Variants in ARHGAP25 observed in about 807,000 individuals in gnomAD.
ARHGAP25 encodes rho GTPase-activating protein 25.
A neutral mutation model predicts 71.0 loss-of-function variants in ARHGAP25; 34 were observed. That is an observed-to-expected ratio of 0.48 (90% CI 0.36 to 0.64). The LOEUF is 0.64. ARHGAP25 is among the 30% of genes least tolerant of loss of function. The pLI is 0.00. For missense variants in ARHGAP25, 706 were observed against 805.1 expected, an observed-to-expected ratio of 0.88 and a Z score of 1.49; for synonymous variants, 282 against 296.5, an observed-to-expected ratio of 0.95 and a Z score of 0.50.
At chr2:68,747,506 C>T (rs942097453) in intron 1 of ARHGAP25, among the ~76,000 whole-genome samples, 3 of 152,196 alleles carry the variant, frequency 2.0e-5, no homozygotes, top group East Asian at 1.9e-4. Context: ...CTCAGTCCCC[C>T]GTCCTCTTCC....
At chr2:68,790,296 A>G (rs1176918283) in intron 4 of ARHGAP25, among the ~76,000 whole-genome samples, 1 of 152,184 alleles carries the variant, frequency 6.6e-6, no homozygotes, top group Non-Finnish European at 1.5e-5. Flanking sequence ...AGCCACGTTT[A>G]AAGTTACTAA....
At chr2:68,782,746 A>G (rs1678431274) in intron 3 of ARHGAP25, among the ~76,000 whole-genome samples, 1 of 152,222 alleles carries the variant, frequency 6.6e-6, no homozygotes, top group South Asian at 2.1e-4. Flanking sequence ...AAAAATTATA[A>G]AAATTCAGCA....
At chr2:68,754,862 T>C (rs183067717) in intron 1 of ARHGAP25, among the ~76,000 whole-genome samples, 4 of 152,348 alleles carry the variant, frequency 2.6e-5, no homozygotes, top group Admixed American at 2.6e-4. Flanking sequence ...CTCATTTCAT[T>C]TGGTAAAGTC....
At chr2:68,772,149 G>A (rs1677527214) in intron 1 of ARHGAP25, among the ~76,000 whole-genome samples, 2 of 152,252 alleles carry the variant, frequency 1.3e-5, no homozygotes, top group East Asian at 3.8e-4. Flanking sequence ...TCTATGCTGA[G>A]TGAATTCTTT....
chr2:68,719,483 A>T (rs1218612518), intron 2 of ARHGAP25, among the ~76,000 whole-genome samples: 1 of 151,760 alleles, frequency 6.6e-6, no homozygotes, highest in African/African-American at 2.4e-5. Context: ...AATAAGAACA[A>T]CGCCCACATT....
intron 3 of ARHGAP25, among the ~76,000 whole-genome samples, chr2:68,784,543 C>T (rs1307537294): frequency 2.6e-5 from 4 of 152,038 alleles, no homozygotes; most frequent in Non-Finnish European, 4.4e-5. Context: ...GTAGGCTTCC[C>T]TCTCCCTACT....
chr2:68,728,679 T>C (rs1470401957), intron 2 of ARHGAP25, among the ~76,000 whole-genome samples: 1 of 152,178 alleles, frequency 6.6e-6, no homozygotes, highest in African/African-American at 2.4e-5. Flanking sequence ...GGAGAATCAC[T>C]TGAGCCCAGA....
At chr2:68,798,486 A>G (rs546111343) in intron 4 of ARHGAP25, among the ~76,000 whole-genome samples, 43 of 150,542 alleles carry the variant, frequency 2.9e-4, no homozygotes, top group African/African-American at 9.6e-4. Flanking sequence ...ACTGGGGCAC[A>G]ACAGTGAGAA....
intron 9 of ARHGAP25, among the ~76,000 whole-genome samples, chr2:68,822,118 A>G (rs1317207173): frequency 6.6e-6 from 1 of 152,170 alleles, no homozygotes; most frequent in East Asian, 1.9e-4. Context: ...ACAAACAAAC[A>G]CTTGATTTTG....
intron 2 of ARHGAP25, among the ~76,000 whole-genome samples, chr2:68,726,689 C>G (rs990665138): frequency 1.6e-4 from 24 of 152,154 alleles, no homozygotes; most frequent in African/African-American, 5.8e-4. Context: ...GACATCAGAT[C>G]CAATGCCAGG....
chr2:68,756,262 C>T (rs925388024), intron 1 of ARHGAP25, among the ~76,000 whole-genome samples: 1 of 152,172 alleles, frequency 6.6e-6, no homozygotes, highest in Non-Finnish European at 1.5e-5. Context: ...CGTGCAGGGG[C>T]CGAATGGGAA....
chr2:68,766,905 G>T (rs1226095833), intron 1 of ARHGAP25, among the ~76,000 whole-genome samples: 1 of 152,030 alleles, frequency 6.6e-6, no homozygotes, highest in Non-Finnish European at 1.5e-5. Context: ...CATAGTTATT[G>T]GTGCCAAGCC....
chr2:68,789,689 G>T (rs1280476722), intron 4 of ARHGAP25, among the ~76,000 whole-genome samples: 2 of 152,134 alleles, frequency 1.3e-5, no homozygotes, highest in Non-Finnish European at 2.9e-5. Context: ...CATAGACAAG[G>T]GTAGTGGATG....
chr2:68,717,985 C>T (rs1184727419), intron 2 of ARHGAP25, among the ~76,000 whole-genome samples: 2 of 152,092 alleles, frequency 1.3e-5, no homozygotes, highest in African/African-American at 2.4e-5. Flanking sequence ...CGGTTTATAT[C>T]ATCTTGGAAT....
At chr2:68,809,794 A>C (rs13031835) in intron 5 of ARHGAP25, among the ~76,000 whole-genome samples, 55,725 of 152,014 alleles carry the variant, frequency 0.37, 10,846 homozygotes, top group South Asian at 0.5. Flanking sequence ...ATTCCACCCC[A>C]AGATGCCCCC....
chr2:68,824,710 C>G (rs945957015), intron 10 of ARHGAP25, among the ~76,000 whole-genome samples: 5 of 152,026 alleles, frequency 3.3e-5, no homozygotes, highest in Admixed American at 2.6e-4. Flanking sequence ...CCACTGCACT[C>G]CAGCCTGGGC....
chr2:68,800,841 T>G (rs1049937575), intron 4 of ARHGAP25, among the ~76,000 whole-genome samples: 1 of 152,114 alleles, frequency 6.6e-6, no homozygotes, highest in African/African-American at 2.4e-5. Flanking sequence ...TTAATTACAT[T>G]GGTTAATAGT....
chr2:68,792,558 C>T (rs1053860784), intron 4 of ARHGAP25, among the ~76,000 whole-genome samples: 42 of 152,142 alleles, frequency 2.8e-4, no homozygotes, highest in African/African-American at 8.2e-4. Flanking sequence ...CTAGTTCTAT[C>T]GATGTTGCTG....
intron 4 of ARHGAP25, among the ~76,000 whole-genome samples, chr2:68,806,875 CTG>C (rs1258907385): frequency 6.6e-6 from 1 of 152,194 alleles, no homozygotes; most frequent in Non-Finnish European, 1.5e-5. Context: ...TGAATCCCAA[CTG>C]TGTCATGCTC....
Sources: allele counts gnomAD v4.1 joint callset (sites outside exome capture counted in the v4.1 genomes callset), GRCh38; gene constraint gnomAD v4.1.1; transcripts MANE v1.5; gene names NCBI Gene and HGNC (gene_info 2026-07-23, HGNC 2026-07-21).